Variants in ZNF71 observed in about 807,000 individuals in gnomAD.
ZNF71 encodes endothelial zinc finger protein induced by tumor necrosis factor alpha.
A neutral mutation model predicts 6.7 loss-of-function variants in ZNF71; 3 were observed. That is an observed-to-expected ratio of 0.45 (90% CI 0.20 to 1.16). ZNF71 has a LOEUF of 1.16. ZNF71 is among the 50% of genes most tolerant of loss of function. The probability of loss-of-function intolerance (pLI) is 0.25; values close to 1 mark genes in which losing one functional copy is unlikely to be tolerated. For synonymous variants in ZNF71, 343 were observed against 311.1 expected (o/e 1.10, Z -1.08); for missense variants, 688 against 728.6 (o/e 0.94, Z 0.64).
rs758147423 is a variant in ZNF71 at position 56,602,181 on chromosome 19, A to G, written c.33+590A>G. ...CCCATAAAAGTGTTGTTCAGTGGCC[A>G]TACCCTGGTTTACTTAATGGTTCCT... On this transcript the variant is annotated intron_variant, in intron 2 of 3. Transcript: ENST00000599599. Among the ~76,000 whole-genome samples, 8 of 152,330 alleles carry G rather than the reference A, an allele frequency of 5.3e-5. 1 individual carries two copies. Among genetic ancestry groups the G allele is most frequent in the Middle Eastern group, 6.8e-3 (2 of 294 alleles).
intron 1 of ZNF71, among the ~76,000 whole-genome samples, 173 bp downstream of exon 1, chr19:56,595,601 G>A (rs2147999576): frequency 6.6e-6 from 1 of 152,274 alleles, no homozygotes; most frequent in South Asian, 2.1e-4. Flanking sequence ...GAGAGGCCGG[G>A]GCCAGGGAGG....
At chr19:56,610,167 C>T (rs972013491) in intron 2 of ZNF71, 1 of 152,176 alleles carries the variant, frequency 6.6e-6, no homozygotes, top group African/African-American at 2.4e-5. Flanking sequence ...AGTGCTAGGT[C>T]ATAAGGTAAC....
rs55857218 is a variant in ZNF71 at position 56,603,154 on chromosome 19, A to G, written c.33+1563A>G. On this transcript the variant is annotated intron_variant, in intron 2 of 3. Transcript: ENST00000599599. This position sits in a 1 kb window ranked among gnomAD's most constrained non-coding sequence, Gnocchi z 4.6. ...TCATAGAGTCGCGTTAACCATCACC[A>G]CAGTCCATTTCAGAATATTTTCATC... Among the ~76,000 whole-genome samples, 1,994 of 152,272 alleles carry G rather than the reference A, an allele frequency of 0.013. 34 individuals are homozygous for G. The highest frequency in any genetic ancestry group is 0.043 in the African/African-American group (1,788 of 41,542).
chr19:56,619,942 A>C (rs1378261408), intron 3 of ZNF71, among the ~76,000 whole-genome samples: 2 of 152,214 alleles, frequency 1.3e-5, no homozygotes, highest in African/African-American at 2.4e-5. Context: ...AACAGGATAC[A>C]CGTGGAAGGT....
chr19:56,621,509 A>C lies in ZNF71; in HGVS notation c.402A>C (p.Ala134=). 1.2e-6 allele frequency: 2 copies of C among 1,614,174 alleles called. No individual in the cohort carries two copies. The highest frequency in any genetic ancestry group is 2.2e-5 in the South Asian group (2 of 91,076). Residue 134 remains alanine, a synonymous_variant, in exon 4 of 4, where the codon GCA becomes GCC. Coordinates refer to ENST00000599599, the MANE Select transcript of ZNF71 (RefSeq NM_001370215.1). ...AACTCTTAGGGGGCTCAGTACCCGC[A>C]TGTCATGAACTGAAGGCATTTGCCA... is the stretch of plus-strand genomic sequence containing the variant. The part of the protein sequence containing the change: ...GNKLLGGSVP[A]CHELKAFANQ...
chr19:56,608,684 T>C (rs1477591808), intron 2 of ZNF71, among the ~76,000 whole-genome samples: 1 of 152,116 alleles, frequency 6.6e-6, no homozygotes, highest in East Asian at 1.9e-4. Flanking sequence ...TACCAGGAAC[T>C]GGGGATCATT....
intron 3 of ZNF71, among the ~76,000 whole-genome samples, chr19:56,620,462 A>G (rs1262434092): frequency 6.6e-6 from 1 of 152,076 alleles, no homozygotes; most frequent in African/African-American, 2.4e-5. Flanking sequence ...GAGAATAACC[A>G]ACACATGCCA....
Position 56,613,521 on chromosome 19 carries a change from C to G in ZNF71, c.34-291C>G, listed in dbSNP as rs2044767375. The stretch of plus-strand genomic sequence containing the variant: ...TGTGCTCCTAATGCATTTGTTGATT[C>G]ACTGGGTTAGACTCACTTTGCCTTC... On this transcript the variant is annotated intron_variant, in intron 2 of 3. Transcript: ENST00000599599. This position sits in a 1 kb window ranked among gnomAD's most constrained non-coding sequence, Gnocchi z 4.6. Among the ~76,000 whole-genome samples, 1 of 152,222 alleles carries G rather than the reference C, an allele frequency of 6.6e-6. No individual in the cohort carries two copies. Among genetic ancestry groups the G allele is most frequent in the Non-Finnish European group, 1.5e-5 (1 of 68,050 alleles).
chr19:56,595,725 G>C (rs920946378), intron 1 of ZNF71, among the ~76,000 whole-genome samples: 3 of 152,100 alleles, frequency 2.0e-5, no homozygotes, highest in African/African-American at 4.8e-5. Context: ...GGATGAGGCT[G>C]TGTCTTTGTG....
rs891527258 is a variant in ZNF71 at position 56,624,226 on chromosome 19, C to T, written c.*1469C>T. ...TCTGCAAATAAGAAAAACAGCCACT[C>T]GGGCACGTATAAACAAGGTGGACCG... On this transcript the variant is annotated 3_prime_UTR_variant, in exon 4 of 4. Transcript: ENST00000599599. 3.1e-5 allele frequency: 5 copies of T among 160,938 alleles called. No individual in the cohort carries two copies. The highest frequency in any genetic ancestry group is 5.9e-5 in the Non-Finnish European group (4 of 68,086). 10.0% of individuals were successfully genotyped at this position (160,938 alleles called of 1,614,324 possible).
At chr19:56,612,398 C>T (rs570617898) in intron 2 of ZNF71, among the ~76,000 whole-genome samples, 1 of 152,228 alleles carries the variant, frequency 6.6e-6, no homozygotes, top group South Asian at 2.1e-4. Flanking sequence ...CATTTATACA[C>T]ATACACACAT....
Position 56,623,630 on chromosome 19 carries a change from A to G in ZNF71, c.*873A>G, listed in dbSNP as rs964414111. The G allele has an allele frequency of 2.6e-4, 44 of 167,114 alleles. No homozygotes were observed. Among genetic ancestry groups the G allele is most frequent in the African/African-American group, 9.9e-4 (41 of 41,458 alleles). 10.4% of individuals were successfully genotyped at this position (167,114 alleles called of 1,614,324 possible). On this transcript the variant is annotated 3_prime_UTR_variant, in exon 4 of 4. Coordinates refer to ENST00000599599, the MANE Select transcript of ZNF71 (RefSeq NM_001370215.1). ...ATTTTTGCAGCTAAATGTGAAGGCAACTGTCTTAAGTCCCTTCCTGCTGCT... is the reference window on the plus strand; with the variant it reads ...ATTTTTGCAGCTAAATGTGAAGGCAGCTGTCTTAAGTCCCTTCCTGCTGCT...
chr19:56,601,618 CT>C (rs2044671435), intron 2 of ZNF71, 27 bp downstream of exon 2: 1 of 985,768 alleles, frequency 1.0e-6, no homozygotes. Context: ...TGTCACTCTC[CT>C]TTCCAAAGGC....
chr19:56,618,770 G>A lies in ZNF71; in HGVS notation c.161-2498G>A, dbSNP rs895305157. 6.6e-6 allele frequency among the ~76,000 whole-genome samples: 1 copy of A among 152,086 alleles called. No homozygotes were observed. The highest frequency in any genetic ancestry group is 1.5e-5 in the Non-Finnish European group (1 of 68,004). On this transcript the variant is annotated intron_variant, in intron 3 of 3. Coordinates refer to ENST00000599599, the MANE Select transcript of ZNF71 (RefSeq NM_001370215.1). The surrounding 1 kb of genome is among the most constrained non-coding windows in gnomAD (Gnocchi z 4.6). ...AGAAACTGGGAGGGAGGGTGGGCAG[G>A]GGACGACTCAGGCAGGCCTGCTGGG...
intron 3 of ZNF71, among the ~76,000 whole-genome samples, chr19:56,614,515 A>G (rs1466424206): frequency 6.6e-6 from 1 of 152,192 alleles, no homozygotes; most frequent in East Asian, 1.9e-4. Context: ...ATGGGAAGAA[A>G]AATCAAGGAA....
chr19:56,607,065 A>G (rs1485021955), intron 2 of ZNF71, among the ~76,000 whole-genome samples: 1 of 152,198 alleles, frequency 6.6e-6, no homozygotes, highest in Admixed American at 6.5e-5. Context: ...CAGAAATTTA[A>G]CTGGTGTTTT....
rs770053922 is a variant in ZNF71, at chr19:56,622,726, A to G, written c.1619A>G (p.Asn540Ser). ...ECGKTFSRNTNLTRHLRIHT is the reference protein window; with the variant it reads ...ECGKTFSRNTSLTRHLRIHT ...GGGAAGACCTTCAGCCGCAACACGAACCTGACGCGCCACCTGCGGATTCAC... is the reference window on the plus strand; with the variant it reads ...GGGAAGACCTTCAGCCGCAACACGAGCCTGACGCGCCACCTGCGGATTCAC... The change falls in exon 4 of 4, where the codon AAC becomes AGC. Residue 540 changes from asparagine (N) to serine (S), a missense_variant. By Grantham distance (46) the Asn-to-Ser change is conservative. Coordinates refer to ENST00000599599, the MANE Select transcript of ZNF71 (RefSeq NM_001370215.1). 6.2e-7 allele frequency: 1 copy of G among 1,608,878 alleles called. No homozygotes were observed. Among genetic ancestry groups the G allele is most frequent in the Non-Finnish European group, 8.5e-7 (1 of 1,176,746 alleles).
intron 3 of ZNF71, among the ~76,000 whole-genome samples, chr19:56,619,250 G>A (rs1046600616): frequency 5.3e-5 from 8 of 151,926 alleles, no homozygotes; most frequent in African/African-American, 1.2e-4. Context: ...AGCCATCACC[G>A]CCATCCATCC....
Position 56,598,362 on chromosome 19 carries a change from C to T in ZNF71, c.-53+2934C>T, listed in dbSNP as rs887747720. Among the ~76,000 whole-genome samples, 4 of 151,938 alleles carry T rather than the reference C, an allele frequency of 2.6e-5. No individual in the cohort carries two copies. Among genetic ancestry groups the T allele is most frequent in the African/African-American group, 7.3e-5 (3 of 41,360 alleles). On this transcript the variant is annotated intron_variant, in intron 1 of 3. Transcript: ENST00000599599. This position sits in a 1 kb window ranked among gnomAD's most constrained non-coding sequence, Gnocchi z 4.2. ...ATGGAAGGGGAGAGGCCATCAGGGG[C>T]ACATCATAAGGGCTATGTGGGCAGC...
Sources: allele counts gnomAD v4.1 joint callset (sites outside exome capture counted in the v4.1 genomes callset), GRCh38; gene constraint gnomAD v4.1.1; non-coding constraint Gnocchi (gnomAD v3.1); transcripts MANE v1.5; gene names NCBI Gene and HGNC (gene_info 2026-07-23, HGNC 2026-07-21).